DENND5A: variants seen among roughly 807,000 people sequenced by gnomAD.
DENND5A encodes the protein DENN domain containing 5A.
DENND5A carries 64 observed loss-of-function variants against 140.3 expected under a neutral mutation model. The ratio of observed to expected loss-of-function variants is 0.46; its 90% confidence interval spans 0.37 to 0.56. The LOEUF (loss-of-function observed/expected upper bound fraction) is 0.56. Ranked by LOEUF, DENND5A falls within the 20% of genes least tolerant of loss-of-function variation. The pLI, the probability that DENND5A is intolerant of heterozygous loss-of-function variation, is 0.00. For synonymous variants in DENND5A, 605 were observed against 607.7 expected, an observed-to-expected ratio of 1.00 and a Z score of 0.07; for missense variants, 1,292 against 1,593.8, an observed-to-expected ratio of 0.81 and a Z score of 3.22.
chr11:9,166,240 G>A (rs558561801), intron 10 of DENND5A, among the ~76,000 whole-genome samples: 6 of 151,758 alleles, frequency 4.0e-5, no homozygotes, highest in Non-Finnish European at 8.8e-5. Context: ...CACCACGCCC[G>A]GCTAATTTTT....
At chr11:9,253,897 C>A (rs1851833349) in intron 1 of DENND5A, among the ~76,000 whole-genome samples, 1 of 151,042 alleles carries the variant, frequency 6.6e-6, no homozygotes, top group African/African-American at 2.4e-5. Flanking sequence ...GTGGCTCACA[C>A]CTGTAATCCC....
At chr11:9,166,565 G>A (rs938286173) in intron 10 of DENND5A, among the ~76,000 whole-genome samples, 7 of 152,146 alleles carry the variant, frequency 4.6e-5, no homozygotes, top group Non-Finnish European at 1.0e-4. Flanking sequence ...AAGGCGCAGT[G>A]GCTCACGCCT....
chr11:9,181,015 T>C lies in DENND5A; in HGVS notation c.1207A>G (p.Asn403Asp). 1 of 1,614,166 alleles carries C rather than the reference T, an allele frequency of 6.2e-7. No homozygotes were observed. Among genetic ancestry groups the C allele is most frequent in the Non-Finnish European group, 8.5e-7 (1 of 1,180,024 alleles). Residue 403 changes from asparagine to aspartate, a missense_variant, in exon 6 of 23, where the codon AAC becomes GAC. This residue lies in a region of DENND5A where 566 missense variants were observed against 650.4 expected (regional missense o/e 0.87). Coordinates refer to ENST00000328194, the MANE Select transcript of DENND5A (RefSeq NM_015213.4). ...ELPEDLPQFP[N>D]KLEFVQEVSE... ...ACTTCCTGGACAAACTCCAATTTGTTGGGGAACTGTGGCAAGTCCTCTGGC... is the reference window on the plus strand; with the variant it reads ...ACTTCCTGGACAAACTCCAATTTGTCGGGGAACTGTGGCAAGTCCTCTGGC...
At chr11:9,166,081 CTTTTTCT>C in intron 10 of DENND5A, 114 bp from the exon 11 acceptor site, 8 of 984,428 alleles carry the variant, frequency 8.1e-6, no homozygotes, top group South Asian at 3.4e-5. Flanking sequence ...CTTTTTTTTT[CTTTTTCT>C]TTTTTTTTTT....
intron 1 of DENND5A, among the ~76,000 whole-genome samples, chr11:9,262,974 T>C (rs1035591747): frequency 4.6e-5 from 7 of 151,632 alleles, no homozygotes; most frequent in Non-Finnish European, 7.4e-5. Flanking sequence ...ATCTCCTGAC[T>C]TCGTGATCCG....
rs374748126 is a variant in DENND5A, at chr11:9,235,687, T to C, written c.110-28055A>G. Among the ~76,000 whole-genome samples the C allele has an allele frequency of 1.1e-3, 164 of 149,324 alleles. 10 individuals carry two copies. The South Asian group carries it at 0.034, about 31-fold the overall frequency. On this transcript the variant is annotated intron_variant, in intron 1 of 22. Transcript: ENST00000328194. ...AAAAAAAAAAGAAAAAAAATCACGC[T>C]ACCTGAAAGGAGCCAGACACAAAAG...
At position 9,198,365 on chromosome 11, in the gene DENND5A, A is replaced by G. The variant is rs1342393372; in HGVS notation, c.950-4684T>C. Among the ~76,000 whole-genome samples the G allele has an allele frequency of 1.4e-4, 21 of 152,108 alleles. No homozygotes were observed. In the East Asian group the frequency reaches 3.7e-3, roughly 27 times the overall value. ...CGCAGTGGCTCACACCTGTAATCCC[A>G]GCACTTTGAGGCCGAGGCGGGTGGA... On this transcript the variant is annotated intron_variant, in intron 4 of 22. Coordinates refer to ENST00000328194, the MANE Select transcript of DENND5A (RefSeq NM_015213.4).
intron 12 of DENND5A, among the ~76,000 whole-genome samples, chr11:9,159,381 T>G (rs186356461): frequency 1.3e-5 from 2 of 150,162 alleles, no homozygotes; most frequent in Non-Finnish European, 3.0e-5. Flanking sequence ...AGTGCAATGG[T>G]GCAATCTTGG....
At chr11:9,260,402 AAAG>A (rs1762374647) in intron 1 of DENND5A, among the ~76,000 whole-genome samples, 1 of 152,192 alleles carries the variant, frequency 6.6e-6, no homozygotes, top group African/African-American at 2.4e-5. Context: ...AAACAAAGAA[AAAG>A]AAGATTCACC....
At chr11:9,142,578 A>G in intron 21 of DENND5A, 144 bp downstream of exon 21, 1 of 1,096,230 alleles carries the variant, frequency 9.1e-7, no homozygotes. Context: ...ACTCCCTTCA[A>G]GAAAAACCAG....
chr11:9,203,041 CTA>C (rs1849574406), intron 4 of DENND5A, among the ~76,000 whole-genome samples: 2 of 152,196 alleles, frequency 1.3e-5, no homozygotes, highest in South Asian at 4.1e-4. Flanking sequence ...TTGTCCACCA[CTA>C]CCCTTGAAAC....
intron 1 of DENND5A, among the ~76,000 whole-genome samples, chr11:9,215,572 G>T (rs1850057714): frequency 2.2e-5 from 3 of 139,274 alleles, no homozygotes. Flanking sequence ...TTTTGAGATG[G>T]AGTCTCGCTC....
At chr11:9,152,801 C>T (rs1356016986) in intron 12 of DENND5A, among the ~76,000 whole-genome samples, 2 of 151,554 alleles carry the variant, frequency 1.3e-5, no homozygotes, top group Non-Finnish European at 2.9e-5. Context: ...GTCAGGAGTT[C>T]GATTCCAGCC....
chr11:9,176,474 G>A (rs1848548370), intron 8 of DENND5A, among the ~76,000 whole-genome samples: 1 of 152,194 alleles, frequency 6.6e-6, no homozygotes, highest in Non-Finnish European at 1.5e-5. Flanking sequence ...ATGTAGATGA[G>A]TCCTCTGAAC....
At chr11:9,143,987 C>T in intron 19 of DENND5A, 110 bp downstream of exon 19, 5 of 1,322,768 alleles carry the variant, frequency 3.8e-6, no homozygotes, top group Non-Finnish European at 5.2e-6. Flanking sequence ...GAAGTGTTTC[C>T]TGAGGCAGCT....
intron 18 of DENND5A, 110 bp downstream of exon 18, chr11:9,144,885 A>C: frequency 2.7e-6 from 2 of 752,436 alleles, no homozygotes; most frequent in Non-Finnish European, 4.7e-6. Flanking sequence ...AAGTTGCCTC[A>C]GGTTATCACA....
intron 13 of DENND5A, among the ~76,000 whole-genome samples, chr11:9,151,462 C>G (rs983129542): frequency 1.3e-4 from 20 of 152,156 alleles, no homozygotes; most frequent in African/African-American, 4.6e-4. Context: ...ATAAGCCTAC[C>G]TGGAGAACTC....
chr11:9,165,735 A>T, intron 11 of DENND5A, 101 bp downstream of exon 11: 1 of 1,393,470 alleles, frequency 7.2e-7, no homozygotes, highest in Non-Finnish European at 1.0e-6. Flanking sequence ...CGCCCAGCCA[A>T]CAGTATTTTT....
At chr11:9,164,761 GA>G (rs1479460681) in intron 11 of DENND5A, among the ~76,000 whole-genome samples, 1 of 152,026 alleles carries the variant, frequency 6.6e-6, no homozygotes, top group Non-Finnish European at 1.5e-5. Context: ...AAATAAAGGG[GA>G]AAAAATATCT....
Sources: allele counts gnomAD v4.1 joint callset (sites outside exome capture counted in the v4.1 genomes callset), GRCh38; gene constraint gnomAD v4.1.1; regional missense constraint gnomAD v4.1.1; transcripts MANE v1.5; gene names NCBI Gene and HGNC (gene_info 2026-07-23, HGNC 2026-07-21).